PARD3: variants seen among roughly 807,000 people sequenced by gnomAD.
PARD3 encodes par-3 family cell polarity regulator, also known as partitioning defective 3 homolog.
Under a neutral mutation model 155.4 loss-of-function variants are expected in PARD3, and 75 were observed. That is an observed-to-expected ratio of 0.48 (90% CI 0.40 to 0.58). The LOEUF is 0.58. Ranked by LOEUF, PARD3 falls within the 20% of genes least tolerant of loss-of-function variation. The pLI, the probability that PARD3 is intolerant of heterozygous loss-of-function variation, is 0.00. For missense variants in PARD3, 1,642 were observed against 1,721.7 expected, an observed-to-expected ratio of 0.95 and a Z score of 0.82; for synonymous variants, 576 against 610.5, an observed-to-expected ratio of 0.94 and a Z score of 0.83.
chr10:34,410,116 ATAAATTT>A (rs1844899432), intron 5 of PARD3, among the ~76,000 whole-genome samples: 1 of 152,186 alleles, frequency 6.6e-6, no homozygotes, highest in South Asian at 2.1e-4. Flanking sequence ...CACCCTCTAG[ATAAATTT>A]TAAAAAGAAA....
intron 23 of PARD3, among the ~76,000 whole-genome samples, chr10:34,126,485 C>T (rs1395571062): frequency 1.3e-5 from 2 of 152,170 alleles, no homozygotes; most frequent in African/African-American, 4.8e-5. Flanking sequence ...CAGTTGTACA[C>T]ACAGCTTGAA....
At chr10:34,269,572 A>G in intron 22 of PARD3, 85 bp downstream of exon 22, 3 of 1,453,672 alleles carry the variant, frequency 2.1e-6, no homozygotes, top group East Asian at 4.6e-5. Flanking sequence ...TTCTGGTTTG[A>G]GGATTGATGA....
intron 12 of PARD3, among the ~76,000 whole-genome samples, chr10:34,362,221 C>A (rs529879382): frequency 1.3e-5 from 2 of 152,192 alleles, no homozygotes; most frequent in South Asian, 4.1e-4. Flanking sequence ...ATGGCGTGAA[C>A]CTAGGAGGTG....
chr10:34,218,807 T>G, intron 22 of PARD3, among the ~76,000 whole-genome samples: 2 of 137,304 alleles, frequency 1.5e-5, no homozygotes, highest in South Asian at 2.3e-4. Context: ...AGGGATGTCG[T>G]GTGGGGTGGG....
In PARD3 at chr10:34,716,585, CTTTTT is replaced by C. The variant is rs34751073; in HGVS notation, c.121-20171_121-20167del. On this transcript the variant is annotated intron_variant, in intron 1 of 24. Transcript: ENST00000374788. ...CTACGTGTGGCCCAGGATGGCTTTTCTTTTTTTTTTTTTTTTTTTTTTTTGAGACA... is the reference window on the plus strand; with the variant it reads ...CTACGTGTGGCCCAGGATGGCTTTTCTTTTTTTTTTTTTTTTTTTGAGACA... 6.8e-3 allele frequency among the ~76,000 whole-genome samples: 496 copies of C among 73,276 alleles called. 1 individual carries two copies. Among genetic ancestry groups the C allele is most frequent in the African/African-American group, 0.021 (443 of 20,736 alleles). The allele number at this position is 73,276 out of a possible 152,430, so 48.1% of individuals were successfully genotyped here.
intron 2 of PARD3, among the ~76,000 whole-genome samples, chr10:34,681,769 T>TATATATATATATATA (rs1491145185): frequency 2.8e-4 from 4 of 14,542 alleles, no homozygotes; most frequent in African/African-American, 3.0e-4. Context: ...TATATATATA[T>TATATATATATATATA]TTTTTTTTTT....
intron 2 of PARD3, among the ~76,000 whole-genome samples, chr10:34,557,092 C>G (rs1052980599): frequency 6.6e-6 from 1 of 152,172 alleles, no homozygotes; most frequent in Non-Finnish European, 1.5e-5. Flanking sequence ...AGAGGAATGT[C>G]AACCATGTAG....
At chr10:34,331,033 A>G in intron 19 of PARD3, 84 bp downstream of exon 19, 1 of 970,958 alleles carries the variant, frequency 1.0e-6, no homozygotes, top group Non-Finnish European at 1.6e-6. Flanking sequence ...GAAGAATCTT[A>G]GAAAACTCCA....
intron 1 of PARD3, among the ~76,000 whole-genome samples, chr10:34,735,058 A>C (rs1270912300): frequency 1.7e-4 from 26 of 152,066 alleles, no homozygotes. Flanking sequence ...GGATGTAAAC[A>C]TGTGAGAAAA....
At chr10:34,321,867 C>G (rs1958400645) in intron 19 of PARD3, among the ~76,000 whole-genome samples, 2 of 152,246 alleles carry the variant, frequency 1.3e-5, no homozygotes, top group South Asian at 4.1e-4. Flanking sequence ...CAAAGTTCTG[C>G]AGCTACTGCC....
At chr10:34,326,338 G>A (rs1286357411) in intron 19 of PARD3, among the ~76,000 whole-genome samples, 2 of 152,110 alleles carry the variant, frequency 1.3e-5, no homozygotes, top group Admixed American at 6.5e-5. Flanking sequence ...TGCAGGTTAA[G>A]TATATGTATC....
At chr10:34,634,407 T>C (rs1328602009) in intron 2 of PARD3, among the ~76,000 whole-genome samples, 2 of 152,122 alleles carry the variant, frequency 1.3e-5, no homozygotes, top group Admixed American at 1.3e-4. Context: ...AAAAAGATAA[T>C]GTTTTCCCTC....
chr10:34,223,490 A>C (rs747712611), intron 22 of PARD3, among the ~76,000 whole-genome samples: 13 of 152,178 alleles, frequency 8.5e-5, no homozygotes, highest in Non-Finnish European at 1.5e-5. Context: ...TAACCAAGGG[A>C]CACAGACCCA....
At chr10:34,721,201 G>T (rs183406068) in intron 1 of PARD3, among the ~76,000 whole-genome samples, 8 of 152,116 alleles carry the variant, frequency 5.3e-5, no homozygotes, top group Non-Finnish European at 8.8e-5. Flanking sequence ...GCAATGTTAC[G>T]CTCCTTACAA....
intron 2 of PARD3, among the ~76,000 whole-genome samples, chr10:34,537,274 G>A (rs1392905487): frequency 1.3e-5 from 2 of 152,202 alleles, no homozygotes; most frequent in Non-Finnish European, 2.9e-5. Context: ...AAAGCACTGG[G>A]ATGAGCCACC....
At chr10:34,475,318 C>T (rs566890529) in intron 3 of PARD3, among the ~76,000 whole-genome samples, 19 of 152,258 alleles carry the variant, frequency 1.2e-4, no homozygotes, top group East Asian at 7.7e-4. Context: ...TAATAGAAGA[C>T]ATCTGGATTC....
chr10:34,146,249 G>A (rs1441016), intron 22 of PARD3, among the ~76,000 whole-genome samples: 52,237 of 151,820 alleles, frequency 0.34, 9,382 homozygotes, highest in African/African-American at 0.41. Context: ...TAGCTTAAAT[G>A]TCTTTTCAAG....
At chr10:34,397,464 C>T (rs1437898972) in intron 7 of PARD3, among the ~76,000 whole-genome samples, 1 of 152,186 alleles carries the variant, frequency 6.6e-6, no homozygotes. Flanking sequence ...AAGTGCCAAA[C>T]TAATAGGGCT....
chr10:34,427,067 C>T (rs2075648616), intron 5 of PARD3, among the ~76,000 whole-genome samples: 1 of 152,136 alleles, frequency 6.6e-6, no homozygotes, highest in Non-Finnish European at 1.5e-5. Context: ...TGTATGTCGC[C>T]TCAGGACCCT....
Sources: gnomAD v4.1 joint callset for allele counts (sites outside exome capture counted in the v4.1 genomes callset) on GRCh38, gnomAD v4.1.1 for gene constraint, MANE v1.5 for transcripts, NCBI Gene and HGNC (gene_info 2026-07-23, HGNC 2026-07-21) for gene names.